The following CORO2A variants were observed in gnomAD, a reference collection of about 807,000 sequenced individuals.
CORO2A encodes coronin 2A.
Under a neutral mutation model 62.4 loss-of-function variants are expected in CORO2A, and 47 were observed. The ratio of observed to expected loss-of-function variants is 0.75; its 90% confidence interval spans 0.60 to 0.96. CORO2A has a LOEUF of 0.96. Among genes scored for constraint, CORO2A ranks in the 40% least tolerant of loss-of-function variants. The pLI, the probability that CORO2A is intolerant of heterozygous loss-of-function variation, is 0.00. For synonymous variants in CORO2A, 273 were observed against 268.9 expected (o/e 1.02, Z -0.15); for missense variants, 610 against 684.1 (o/e 0.89, Z 1.21).
intron 1 of CORO2A, among the ~76,000 whole-genome samples, chr9:98,185,536 T>C (rs1465506596): frequency 6.6e-6 from 1 of 152,172 alleles, no homozygotes; most frequent in Non-Finnish European, 1.5e-5. Flanking sequence ...CTCCAAACCA[T>C]TGCTGGAGGC....
chr9:98,171,843 A>T (rs1243576578), intron 1 of CORO2A, among the ~76,000 whole-genome samples: 1 of 151,268 alleles, frequency 6.6e-6, no homozygotes, highest in East Asian at 1.9e-4. Flanking sequence ...AGTGCTGAGG[A>T]GGGGGCACCT....
chr9:98,177,464 T>TG lies in CORO2A; in HGVS notation c.-1+15094_-1+15095insC, dbSNP rs1336200778. On this transcript the variant is annotated intron_variant, in intron 1 of 11. Transcript: ENST00000375077. ...CAATGGGCTCCAAACTTTGTTTTTT[T>TG]TTTTTTTTTTTTTTTTGAGACAGAG... Among the ~76,000 whole-genome samples the TG allele has an allele frequency of 4.4e-5, 6 of 135,056 alleles. No homozygotes were observed. The South Asian group carries it at 1.5e-3, about 34-fold the overall frequency. 88.6% of individuals were successfully genotyped at this position (135,056 alleles called of 152,430 possible).
chr9:98,129,089 T>C (rs1485291446), intron 8 of CORO2A, among the ~76,000 whole-genome samples: 2 of 152,080 alleles, frequency 1.3e-5, no homozygotes, highest in East Asian at 3.9e-4. Context: ...TGCACCTCAA[T>C]TTTTTTATTT....
At position 98,137,560 on chromosome 9, in the gene CORO2A, G is replaced by C. The variant is rs771377811; in HGVS notation, c.318+12C>G. On this transcript the variant is annotated intron_variant, in intron 3 of 11. Coordinates refer to ENST00000375077, the MANE Select transcript of CORO2A (RefSeq NM_052820.4). Reference sequence around the variant, plus strand: ...TTCAGGAAGGGGAAGCCCCTCAGGGGCTGACACTCACTGTGGCATCTTCAG... The same window carrying C: ...TTCAGGAAGGGGAAGCCCCTCAGGGCCTGACACTCACTGTGGCATCTTCAG... 1 of 1,605,156 alleles carries C rather than the reference G, an allele frequency of 6.2e-7. No individual in the cohort carries two copies. Among genetic ancestry groups the C allele is most frequent in the South Asian group, 1.1e-5 (1 of 90,916 alleles).
Position 98,129,651 on chromosome 9 carries a change from G to C in CORO2A, c.967+143C>G, listed in dbSNP as rs998892724. ...GTCAAGTACAGCCCCCACCAAGTCA[G>C]AGTGTTGCTATGCTGTCTCTCCTCC... On this transcript the variant is annotated intron_variant, in intron 8 of 11. Transcript: ENST00000375077. 2.5e-5 allele frequency: 17 copies of C among 682,570 alleles called. No individual in the cohort carries two copies. The African/African-American group carries it at 3.0e-4, about 12-fold the overall frequency. 42.3% of individuals were successfully genotyped at this position (682,570 alleles called of 1,614,324 possible).
chr9:98,155,456 C>T (rs1827790235), intron 2 of CORO2A, among the ~76,000 whole-genome samples: 1 of 150,104 alleles, frequency 6.7e-6, no homozygotes, highest in East Asian at 2.0e-4. Context: ...AAGCAATTCT[C>T]CTGCCTCAGC....
intron 2 of CORO2A, among the ~76,000 whole-genome samples, chr9:98,156,421 C>T (rs1248465449): frequency 6.6e-6 from 1 of 151,896 alleles, no homozygotes; most frequent in African/African-American, 2.4e-5. Flanking sequence ...TATAGATTTC[C>T]CTTGAAGCCC....
intron 1 of CORO2A, among the ~76,000 whole-genome samples, chr9:98,180,002 C>CAAACAAAACA (rs148470079): frequency 1.1e-4 from 16 of 151,616 alleles, no homozygotes; most frequent in South Asian, 6.3e-4. Context: ...GACTCCATCT[C>CAAACAAAACA]AAACAAAACA....
Position 98,131,121 on chromosome 9 carries a change from C to A in CORO2A, c.766-62G>T, listed in dbSNP as rs1827401870. On this transcript the variant is annotated intron_variant, in intron 6 of 11. Transcript: ENST00000375077. ...CTCCTGGGGGCCCTCAGTGGTGCTC[C>A]CGGAGATAAGAATTGCTGCCATGGT... 9 of 1,141,836 alleles carry A rather than the reference C, an allele frequency of 7.9e-6. No individual in the cohort carries two copies. In the Admixed American group the frequency reaches 1.2e-4, roughly 16 times the overall value. The allele number at this position is 1,141,836 out of a possible 1,614,324, so 70.7% of individuals were successfully genotyped here.
chr9:98,150,275 G>C (rs1242224801), intron 2 of CORO2A, among the ~76,000 whole-genome samples: 1 of 151,930 alleles, frequency 6.6e-6, no homozygotes, highest in African/African-American at 2.4e-5. Context: ...CTGGACTCAG[G>C]ATAGAGCCCA....
Position 98,123,175 on chromosome 9 carries a change from A to C in CORO2A, c.*1599T>G, listed in dbSNP as rs1159672789. On this transcript the variant is annotated 3_prime_UTR_variant, in exon 12 of 12. Coordinates refer to ENST00000375077, the MANE Select transcript of CORO2A (RefSeq NM_052820.4). ...GGGCACAGCTGAGGCCAGAAGCAAC[A>C]GATTTCTACTCTTTGGGCTGAGAAC... The C allele has an allele frequency of 1.3e-5, 2 of 152,226 alleles. No individual in the cohort carries two copies. Among genetic ancestry groups the C allele is most frequent in the African/African-American group, 4.8e-5 (2 of 41,448 alleles). The allele number at this position is 152,226 out of a possible 1,614,324, so 9.4% of individuals were successfully genotyped here. A position where few individuals can be genotyped will look rare whatever the true frequency, so the allele number is the denominator to read the frequency against.
intron 2 of CORO2A, among the ~76,000 whole-genome samples, chr9:98,141,339 A>ACCAATGCTTAAG (rs3837266): frequency 6.9e-6 from 1 of 145,928 alleles, no homozygotes; most frequent in African/African-American, 2.5e-5. Flanking sequence ...TCTCCATGGG[A>ACCAATGCTTAAG]CCACTGACCC....
intron 1 of CORO2A, among the ~76,000 whole-genome samples, chr9:98,162,326 A>C (rs1827897184): frequency 6.6e-6 from 1 of 152,078 alleles, no homozygotes; most frequent in Non-Finnish European, 1.5e-5. Flanking sequence ...GATCACTTCC[A>C]CTCTACAGAG....
At chr9:98,167,799 T>C (rs1299999634) in intron 1 of CORO2A, among the ~76,000 whole-genome samples, 1 of 152,224 alleles carries the variant, frequency 6.6e-6, no homozygotes, top group African/African-American at 2.4e-5. Flanking sequence ...ACAGATGAAA[T>C]GATATAACAT....
At chr9:98,163,814 C>T (rs535914498) in intron 1 of CORO2A, among the ~76,000 whole-genome samples, 79 of 152,130 alleles carry the variant, frequency 5.2e-4, no homozygotes, top group African/African-American at 1.9e-3. Context: ...CCAAAGGCCC[C>T]TCTTCTTTAC....
At chr9:98,177,468 T>TG (rs1476610142) in intron 1 of CORO2A, among the ~76,000 whole-genome samples, 1 of 136,816 alleles carries the variant, frequency 7.3e-6, no homozygotes, top group South Asian at 2.4e-4. Context: ...TTTTTTTTTT[T>TG]TTTTTTTTTT....
At chr9:98,171,230 C>T (rs542972526) in intron 1 of CORO2A, among the ~76,000 whole-genome samples, 2 of 152,198 alleles carry the variant, frequency 1.3e-5, no homozygotes, top group Non-Finnish European at 2.9e-5. Flanking sequence ...AGAGAGGAAG[C>T]GCGCCTTGCT....
intron 1 of CORO2A, among the ~76,000 whole-genome samples, chr9:98,189,194 A>G (rs1271147456): frequency 6.6e-6 from 1 of 152,222 alleles, no homozygotes; most frequent in African/African-American, 2.4e-5. Context: ...TTAACCTAGT[A>G]AGTTTCCCAT....
intron 1 of CORO2A, among the ~76,000 whole-genome samples, chr9:98,189,457 G>A (rs557123732): frequency 6.6e-6 from 1 of 152,182 alleles, no homozygotes; most frequent in Admixed American, 6.5e-5. Flanking sequence ...AATAGCAAAG[G>A]TTTAAGGCTG....
Sources: allele counts gnomAD v4.1 joint callset (sites outside exome capture counted in the v4.1 genomes callset), GRCh38; gene constraint gnomAD v4.1.1; transcripts MANE v1.5; gene names NCBI Gene and HGNC (gene_info 2026-07-23, HGNC 2026-07-21).